Variants in RNF150 observed in about 807,000 individuals in gnomAD.
RNF150 encodes the protein ring finger protein 150.
Under a neutral mutation model 39.3 loss-of-function variants are expected in RNF150, and 24 were observed. That is an observed-to-expected ratio of 0.61 (90% confidence interval 0.44 to 0.86). The LOEUF (loss-of-function observed/expected upper bound fraction) is 0.86, where lower values mean the gene tolerates loss of function less well. Ranked by LOEUF, RNF150 falls within the 40% of genes least tolerant of loss-of-function variation. The pLI is 0.00. For missense variants in RNF150, 502 were observed against 587.8 expected (o/e 0.85, Z 1.51); for synonymous variants, 255 against 227.3 (o/e 1.12, Z -1.10).
chr4:140,976,307 T>C (rs993459406), intron 1 of RNF150, among the ~76,000 whole-genome samples: 1 of 152,034 alleles, frequency 6.6e-6, no homozygotes, highest in Admixed American at 6.6e-5. Context: ...ATTTACAACC[T>C]TGTCCCATCT....
chr4:141,088,093 G>C (rs2110999705), intron 1 of RNF150, among the ~76,000 whole-genome samples: 1 of 152,132 alleles, frequency 6.6e-6, no homozygotes, highest in Non-Finnish European at 1.5e-5. Flanking sequence ...AACTTTCTGA[G>C]CCTCCATTTG....
chr4:141,074,876 G>A (rs1310725261), intron 1 of RNF150, among the ~76,000 whole-genome samples: 1 of 152,206 alleles, frequency 6.6e-6, no homozygotes, highest in Non-Finnish European at 1.5e-5. Flanking sequence ...CTCTTGCACT[G>A]ACCTTGCACA....
intron 1 of RNF150, among the ~76,000 whole-genome samples, chr4:141,162,796 G>A (rs1727538133): frequency 6.6e-6 from 1 of 152,146 alleles, no homozygotes; most frequent in Admixed American, 6.5e-5. Flanking sequence ...TTATCCCATG[G>A]TCTTTGCAAC....
intron 1 of RNF150, among the ~76,000 whole-genome samples, chr4:141,073,739 T>A (rs946473563): frequency 9.8e-5 from 15 of 152,302 alleles, no homozygotes; most frequent in Non-Finnish European, 2.1e-4. Context: ...CCTGTTTTTA[T>A]GTCTGACCAG....
At chr4:140,887,571 G>A (rs374285502) in intron 6 of RNF150, among the ~76,000 whole-genome samples, 2 of 152,056 alleles carry the variant, frequency 1.3e-5, no homozygotes, top group African/African-American at 2.4e-5. Flanking sequence ...GTAGGTCGAC[G>A]CATCAACATT....
chr4:140,880,645 T>TTTTG (rs1553987743), intron 6 of RNF150, among the ~76,000 whole-genome samples: 11 of 151,552 alleles, frequency 7.3e-5, no homozygotes, highest in African/African-American at 2.7e-4. Flanking sequence ...CTGGGTTTTT[T>TTTTG]TTTGTTTGTT....
chr4:140,969,323 T>C (rs560085440), intron 1 of RNF150, among the ~76,000 whole-genome samples: 1 of 152,268 alleles, frequency 6.6e-6, no homozygotes, highest in South Asian at 2.1e-4. Flanking sequence ...AATCCAATTG[T>C]AAAATCATAA....
chr4:140,896,709 CAAACAAA>C (rs1729966540), intron 6 of RNF150, among the ~76,000 whole-genome samples: 4 of 41,286 alleles, frequency 9.7e-5, no homozygotes, highest in East Asian at 1.8e-3. Context: ...AACAAAAAAA[CAAACAAA>C]CAAACAAAAA....
intron 5 of RNF150, among the ~76,000 whole-genome samples, chr4:140,916,280 G>T (rs1730824508): frequency 6.6e-6 from 1 of 152,102 alleles, no homozygotes; most frequent in African/African-American, 2.4e-5. Flanking sequence ...CAATGGCAAA[G>T]AAGTTAAAAA....
At chr4:141,178,442 T>A (rs1356418132) in intron 1 of RNF150, among the ~76,000 whole-genome samples, 2 of 152,252 alleles carry the variant, frequency 1.3e-5, no homozygotes, top group Non-Finnish European at 2.9e-5. Flanking sequence ...GTGCTTCCGA[T>A]TCAAAGAAGT....
At chr4:141,185,159 G>A (rs1010905748) in intron 1 of RNF150, among the ~76,000 whole-genome samples, 1 of 152,108 alleles carries the variant, frequency 6.6e-6, no homozygotes, top group Non-Finnish European at 1.5e-5. Context: ...TCCTGTCCAT[G>A]AGCATGGAAT....
intron 1 of RNF150, among the ~76,000 whole-genome samples, chr4:140,992,573 G>A (rs1734232488): frequency 6.6e-6 from 1 of 152,138 alleles, no homozygotes; most frequent in African/African-American, 2.4e-5. Flanking sequence ...TACAGACTGA[G>A]CAAAAGCAGC....
chr4:140,882,411 T>C (rs1729411142), intron 6 of RNF150, among the ~76,000 whole-genome samples: 2 of 152,178 alleles, frequency 1.3e-5, no homozygotes, highest in Non-Finnish European at 2.9e-5. Flanking sequence ...TCTGCTACTG[T>C]TGGGTGGAGT....
chr4:141,027,575 G>A (rs1430390976), intron 1 of RNF150, among the ~76,000 whole-genome samples: 1 of 152,080 alleles, frequency 6.6e-6, no homozygotes, highest in Non-Finnish European at 1.5e-5. Context: ...ATTATATATA[G>A]CCATGTGACT....
chr4:140,952,064 C>T (rs547926173), intron 2 of RNF150, among the ~76,000 whole-genome samples: 107 of 152,162 alleles, frequency 7.0e-4, no homozygotes, highest in African/African-American at 2.5e-3. Flanking sequence ...GGCTGGAGTG[C>T]AGTGGTGCGA....
At chr4:141,044,943 T>C (rs1022220398) in intron 1 of RNF150, among the ~76,000 whole-genome samples, 1 of 152,256 alleles carries the variant, frequency 6.6e-6, no homozygotes, top group Non-Finnish European at 1.5e-5. Flanking sequence ...TTAGTTTTTC[T>C]TTACGGAGTA....
intron 1 of RNF150, among the ~76,000 whole-genome samples, chr4:140,974,708 G>C (rs1207818943): frequency 6.6e-6 from 1 of 152,080 alleles, no homozygotes; most frequent in African/African-American, 2.4e-5. Flanking sequence ...GGTGTACAAA[G>C]GTATTGCATT....
At chr4:140,955,069 T>A (rs551221527) in intron 2 of RNF150, among the ~76,000 whole-genome samples, 4 of 152,318 alleles carry the variant, frequency 2.6e-5, no homozygotes, top group Non-Finnish European at 5.9e-5. Flanking sequence ...TTGGTCCCAG[T>A]TGTCTAAAAC....
At chr4:140,878,722 T>C (rs925221877) in intron 6 of RNF150, among the ~76,000 whole-genome samples, 3 of 152,206 alleles carry the variant, frequency 2.0e-5, no homozygotes, top group Non-Finnish European at 4.4e-5. Flanking sequence ...TTCACTCTGT[T>C]GACTGTTTAC....
Sources: gnomAD v4.1 joint callset for allele counts (sites outside exome capture counted in the v4.1 genomes callset) on GRCh38, gnomAD v4.1.1 for gene constraint, MANE v1.5 for transcripts, NCBI Gene and HGNC (gene_info 2026-07-23, HGNC 2026-07-21) for gene names.